Variants in CRACD observed in about 807,000 individuals in gnomAD.
CRACD encodes the protein capping protein inhibiting regulator of actin dynamics.
Under a neutral mutation model 106.8 loss-of-function variants are expected in CRACD, and 56 were observed. The observed-to-expected ratio is 0.52, with a 90% CI of 0.42 to 0.66. CRACD has a LOEUF of 0.66. Ranked by LOEUF, CRACD falls within the 30% of genes least tolerant of loss-of-function variation. The probability of loss-of-function intolerance (pLI) is 0.00; values close to 1 mark genes in which losing one functional copy is unlikely to be tolerated. For missense variants in CRACD, 1,730 were observed against 1,623.2 expected (o/e 1.07, Z -1.13); for synonymous variants, 754 against 670.8 (o/e 1.12, Z -1.92).
chr4:56,075,155 G>T (rs1237065551), intron 1 of CRACD, among the ~76,000 whole-genome samples: 1 of 152,000 alleles, frequency 6.6e-6, no homozygotes, highest in Non-Finnish European at 1.5e-5. Flanking sequence ...TTCTTTTTTT[G>T]TTGTGTCTCT....
At chr4:56,057,327 T>C (rs1240311687) in intron 1 of CRACD, among the ~76,000 whole-genome samples, 1 of 152,182 alleles carries the variant, frequency 6.6e-6, no homozygotes, top group Non-Finnish European at 1.5e-5. Context: ...TGCATGGCAA[T>C]TGTATGTTGC....
intron 5 of CRACD, among the ~76,000 whole-genome samples, chr4:56,309,620 G>T (rs561913363): frequency 6.6e-6 from 1 of 152,142 alleles, no homozygotes; most frequent in African/African-American, 2.4e-5. Flanking sequence ...TTGGGAGGCC[G>T]AGGTGGGCGG....
At chr4:56,147,270 T>C (rs752011295) in intron 1 of CRACD, among the ~76,000 whole-genome samples, 6 of 152,336 alleles carry the variant, frequency 3.9e-5, no homozygotes, top group Non-Finnish European at 5.9e-5. Context: ...TTTCAAAGTA[T>C]GTTTCAAGGC....
At chr4:56,087,862 C>T (rs1733282635) in intron 1 of CRACD, among the ~76,000 whole-genome samples, 1 of 152,142 alleles carries the variant, frequency 6.6e-6, no homozygotes, top group Non-Finnish European at 1.5e-5. Context: ...TGTCATCACT[C>T]TTTCTTCTCC....
intron 1 of CRACD, among the ~76,000 whole-genome samples, chr4:56,109,640 G>A (rs976612896): frequency 8.6e-5 from 13 of 151,960 alleles, no homozygotes; most frequent in Non-Finnish European, 1.6e-4. Context: ...CTGAGTGAAG[G>A]AATACATGAA....
intron 1 of CRACD, among the ~76,000 whole-genome samples, chr4:56,071,422 A>G (rs1560442074): frequency 6.6e-6 from 1 of 151,960 alleles, no homozygotes; most frequent in Non-Finnish European, 1.5e-5. Context: ...TACCTTGTCA[A>G]TGGGAGATCT....
At chr4:56,049,549 C>T (rs959934017) in intron 1 of CRACD, among the ~76,000 whole-genome samples, 7 of 152,136 alleles carry the variant, frequency 4.6e-5, no homozygotes, top group African/African-American at 1.7e-4. Flanking sequence ...GGGGAACCTG[C>T]CGCCGGGCTG....
intron 3 of CRACD, among the ~76,000 whole-genome samples, chr4:56,297,443 T>C (rs1289643240): frequency 1.3e-5 from 2 of 152,094 alleles, no homozygotes; most frequent in Non-Finnish European, 2.9e-5. Flanking sequence ...ATAATATAAA[T>C]TAGCTGGATG....
At position 56,326,398 on chromosome 4, in the gene CRACD, A is replaced by G. The variant is rs918503983; in HGVS notation, c.3542-1246A>G. Among the ~76,000 whole-genome samples, 231 of 152,354 alleles carry G rather than the reference A, an allele frequency of 1.5e-3. 4 individuals are homozygous for G. Among genetic ancestry groups the G allele is most frequent in the Non-Finnish European group, 4.0e-4 (27 of 68,034 alleles). On this transcript the variant is annotated intron_variant, in intron 10 of 10. Transcript: ENST00000682029. Reference sequence around the variant, plus strand: ...AAAATAAAGTGAAAGCCCCAAAGTCAAAGAGGTCAAATCTTTCTCTGCCTG... The same window carrying G: ...AAAATAAAGTGAAAGCCCCAAAGTCGAAGAGGTCAAATCTTTCTCTGCCTG...
chr4:56,148,241 A>G (rs1031953701), intron 1 of CRACD, among the ~76,000 whole-genome samples: 2 of 151,874 alleles, frequency 1.3e-5, no homozygotes, highest in African/African-American at 4.8e-5. Flanking sequence ...ATCCTAGTGG[A>G]TATGAAGTGG....
At chr4:56,188,137 C>T (rs181334513) in intron 2 of CRACD, among the ~76,000 whole-genome samples, 1 of 152,264 alleles carries the variant, frequency 6.6e-6, no homozygotes, top group Non-Finnish European at 1.5e-5. Context: ...TGCAGAAAAA[C>T]ATCCCCCAAA....
intron 1 of CRACD, among the ~76,000 whole-genome samples, chr4:56,116,084 G>A (rs561485126): frequency 1.2e-4 from 18 of 152,298 alleles, no homozygotes; most frequent in South Asian, 8.3e-4. Flanking sequence ...TCTTCTCTGC[G>A]TAGTGCAGAA....
intron 2 of CRACD, among the ~76,000 whole-genome samples, chr4:56,209,750 T>G (rs1292917627): frequency 6.6e-6 from 1 of 152,234 alleles, no homozygotes; most frequent in Non-Finnish European, 1.5e-5. Flanking sequence ...ACTCCCATTT[T>G]ATGATTATGC....
At chr4:56,153,789 A>T (rs540345457) in intron 1 of CRACD, among the ~76,000 whole-genome samples, 1 of 152,146 alleles carries the variant, frequency 6.6e-6, no homozygotes, top group African/African-American at 2.4e-5. Context: ...GGTTCCTTAG[A>T]CATTCTGAGC....
intron 2 of CRACD, among the ~76,000 whole-genome samples, chr4:56,213,792 C>T (rs1738527292): frequency 6.6e-6 from 1 of 152,214 alleles, no homozygotes; most frequent in East Asian, 1.9e-4. Context: ...GTAGGTTATG[C>T]TCTGTTTACA....
intron 1 of CRACD, among the ~76,000 whole-genome samples, chr4:56,177,894 C>G (rs1736654263): frequency 6.6e-6 from 1 of 151,884 alleles, no homozygotes; most frequent in Non-Finnish European, 1.5e-5. Context: ...TTTGAGTCTT[C>G]TCTCCTTGTT....
At position 56,232,585 on chromosome 4, in the gene CRACD, G is replaced by A. The variant is rs189725599; in HGVS notation, c.-188-39736G>A. On this transcript the variant is annotated intron_variant, in intron 2 of 10. Coordinates refer to ENST00000682029, the MANE Select transcript of CRACD (RefSeq NM_001393381.1). ...AAGTGTTTTCTAAAGTTGCATTCCCGTCAGCAGTATATAAGGTCCCCTTTT... is the reference window on the plus strand; with the variant it reads ...AAGTGTTTTCTAAAGTTGCATTCCCATCAGCAGTATATAAGGTCCCCTTTT... 1.1e-4 allele frequency among the ~76,000 whole-genome samples: 16 copies of A among 152,234 alleles called. No homozygotes were observed. The East Asian group carries it at 2.5e-3, about 24-fold the overall frequency.
intron 1 of CRACD, among the ~76,000 whole-genome samples, chr4:56,171,628 C>T (rs920230537): frequency 5.9e-5 from 9 of 152,110 alleles, no homozygotes; most frequent in African/African-American, 1.7e-4. Context: ...CAAGTATGGA[C>T]AATTTGCCAC....
rs183510108 is a variant in CRACD at position 56,317,000 on chromosome 4, C to T, written c.3187+311C>T. ...GATTACATTTGTGGACATTTTGGTG[C>T]CTTAATGTCAGCAAGGGTTGCAAAA... On this transcript the variant is annotated intron_variant, in intron 8 of 10. Coordinates refer to ENST00000682029, the MANE Select transcript of CRACD (RefSeq NM_001393381.1). 6.6e-5 allele frequency among the ~76,000 whole-genome samples: 10 copies of T among 152,202 alleles called. No homozygotes were observed. In the East Asian group the frequency reaches 1.9e-3, roughly 29 times the overall value.
Sources: allele counts gnomAD v4.1 joint callset (sites outside exome capture counted in the v4.1 genomes callset), GRCh38; gene constraint gnomAD v4.1.1; transcripts MANE v1.5; gene names NCBI Gene and HGNC (gene_info 2026-07-23, HGNC 2026-07-21).